Variants in ADARB2 observed in about 807,000 individuals in gnomAD.
ADARB2 encodes the protein adenosine deaminase RNA specific B2 (inactive).
In ADARB2, 25 loss-of-function variants were observed where a neutral mutation model predicts 62.2. The ratio of observed to expected loss-of-function variants is 0.40; its 90% CI spans 0.29 to 0.56. The LOEUF is 0.56. Ranked by LOEUF, ADARB2 falls within the 20% of genes least tolerant of loss-of-function variation. The probability of loss-of-function intolerance (pLI) is 0.43; values close to 1 mark genes in which losing one functional copy is unlikely to be tolerated. For missense variants in ADARB2, 1,071 were observed against 1,077.4 expected, an observed-to-expected ratio of 0.99 and a Z score of 0.08; for synonymous variants, 572 against 500.8, an observed-to-expected ratio of 1.14 and a Z score of -1.90.
At chr10:1,443,770 G>A (rs1830929681) in intron 1 of ADARB2, among the ~76,000 whole-genome samples, 1 of 152,110 alleles carries the variant, frequency 6.6e-6, no homozygotes, top group African/African-American at 2.4e-5. Flanking sequence ...TATTGAGAAA[G>A]CCATTGCAAG....
chr10:1,718,777 G>A (rs1007862788), intron 1 of ADARB2, among the ~76,000 whole-genome samples: 1 of 152,140 alleles, frequency 6.6e-6, no homozygotes, highest in African/African-American at 2.4e-5. Flanking sequence ...GGGGCTCCAG[G>A]CTCTGGCTTC....
chr10:1,592,444 A>C (rs10219101), intron 1 of ADARB2, among the ~76,000 whole-genome samples: 36 of 4,664 alleles, frequency 7.7e-3, no homozygotes, highest in African/African-American at 9.4e-3. Flanking sequence ...TCACCCAGCT[A>C]CCCTCGCCCA....
At chr10:1,202,495 A>T (rs1375109872) in intron 7 of ADARB2, among the ~76,000 whole-genome samples, 1 of 152,088 alleles carries the variant, frequency 6.6e-6, no homozygotes, top group Non-Finnish European at 1.5e-5. Context: ...GACATTTTTG[A>T]GGAGCGGTTG....
intron 1 of ADARB2, among the ~76,000 whole-genome samples, chr10:1,524,163 C>A (rs148985605): frequency 1.2e-3 from 178 of 152,156 alleles, no homozygotes; most frequent in African/African-American, 3.5e-3. Context: ...TTAAGGTACA[C>A]AAAATTTTGT....
chr10:1,336,619 A>G (rs934818557), intron 3 of ADARB2, among the ~76,000 whole-genome samples: 1 of 152,048 alleles, frequency 6.6e-6, no homozygotes, highest in African/African-American at 2.4e-5. Context: ...GACCTTTGCA[A>G]CTCTACTTAG....
At chr10:1,402,665 C>T (rs902822075) in intron 1 of ADARB2, among the ~76,000 whole-genome samples, 2 of 152,206 alleles carry the variant, frequency 1.3e-5, no homozygotes, top group Non-Finnish European at 2.9e-5. Flanking sequence ...CAGCTCCCAT[C>T]TCCTTCTGGT....
chr10:1,607,740 T>C (rs533449916), intron 1 of ADARB2, among the ~76,000 whole-genome samples: 21 of 152,352 alleles, frequency 1.4e-4, no homozygotes, highest in South Asian at 4.1e-4. Context: ...GGCTGACTTC[T>C]GACTCCAGGA....
chr10:1,625,108 T>C (rs1833750270), intron 1 of ADARB2, among the ~76,000 whole-genome samples: 1 of 152,180 alleles, frequency 6.6e-6, no homozygotes, highest in East Asian at 1.9e-4. Context: ...GCCAAACACC[T>C]CCACAAGTTG....
In ADARB2 at chr10:1,214,259, A is replaced by T. The variant is rs11250340; in HGVS notation, c.1682+2692T>A. 6.3e-5 allele frequency among the ~76,000 whole-genome samples: 7 copies of T among 110,892 alleles called. 1 individual carries two copies. Among genetic ancestry groups the T allele is most frequent in the Non-Finnish European group, 7.9e-5 (4 of 50,950 alleles). 72.7% of individuals were successfully genotyped at this position (110,892 alleles called of 152,430 possible). ...CTGTGCCTGGACCTGCCAGCGTTGCATGGGTTTGCCCCTGTGCCTGGACCT... is the reference window on the plus strand; with the variant it reads ...CTGTGCCTGGACCTGCCAGCGTTGCTTGGGTTTGCCCCTGTGCCTGGACCT... On this transcript the variant is annotated intron_variant, in intron 7 of 9. Coordinates refer to ENST00000381312, the MANE Select transcript of ADARB2 (RefSeq NM_018702.4).
rs775871439 is a variant in ADARB2, at chr10:1,181,684, G to A, written c.*1509C>T. 2.6e-5 allele frequency: 4 copies of A among 152,196 alleles called. No homozygotes were observed. Among genetic ancestry groups the A allele is most frequent in the African/African-American group, 4.8e-5 (2 of 41,454 alleles). 9.4% of individuals were successfully genotyped at this position (152,196 alleles called of 1,614,324 possible). On this transcript the variant is annotated 3_prime_UTR_variant, in exon 10 of 10. Coordinates refer to ENST00000381312, the MANE Select transcript of ADARB2 (RefSeq NM_018702.4). Reference sequence around the variant, plus strand: ...TGTTATTCTTGCACTTTCTGGGGTGGTCAGCTGGGATTCTTTCCGGGAAGC... The same window carrying A: ...TGTTATTCTTGCACTTTCTGGGGTGATCAGCTGGGATTCTTTCCGGGAAGC...
intron 1 of ADARB2, among the ~76,000 whole-genome samples, chr10:1,658,335 CTCTA>C (rs1275993940): frequency 8.6e-5 from 13 of 151,814 alleles, no homozygotes; most frequent in East Asian, 1.9e-4. Flanking sequence ...CTCTCTCTGT[CTCTA>C]TCTGATTCTC....
intron 3 of ADARB2, among the ~76,000 whole-genome samples, chr10:1,272,485 A>C (rs966031540): frequency 1.1e-4 from 16 of 152,164 alleles, no homozygotes; most frequent in African/African-American, 3.6e-4. Flanking sequence ...TCTCCCTCTT[A>C]ATTCTTCTGC....
At chr10:1,580,723 G>A (rs1171172779) in intron 1 of ADARB2, among the ~76,000 whole-genome samples, 3 of 152,214 alleles carry the variant, frequency 2.0e-5, no homozygotes, top group South Asian at 2.1e-4. Context: ...ACAGAGCAGC[G>A]TCCCTGCCCT....
intron 1 of ADARB2, among the ~76,000 whole-genome samples, chr10:1,625,847 C>T (rs141610875): frequency 6.6e-6 from 1 of 152,360 alleles, no homozygotes; most frequent in Non-Finnish European, 1.5e-5. Flanking sequence ...AGCCATGCCT[C>T]CTGCTCCTGC....
At chr10:1,310,271 C>T (rs547228797) in intron 3 of ADARB2, among the ~76,000 whole-genome samples, 1 of 152,328 alleles carries the variant, frequency 6.6e-6, no homozygotes, top group East Asian at 1.9e-4. Context: ...CTGAGAGACA[C>T]TCCCAGATGT....
intron 1 of ADARB2, among the ~76,000 whole-genome samples, chr10:1,490,745 A>G (rs1333691419): frequency 1.3e-5 from 2 of 152,226 alleles, no homozygotes; most frequent in Non-Finnish European, 2.9e-5. Context: ...CTGAGCCAAG[A>G]CAGCCAGCCT....
chr10:1,633,448 A>C (rs1386450171), intron 1 of ADARB2, among the ~76,000 whole-genome samples: 1 of 152,202 alleles, frequency 6.6e-6, no homozygotes, highest in Non-Finnish European at 1.5e-5. Context: ...TGATGAGTGT[A>C]TTGAAAATAT....
chr10:1,497,865 G>A (rs1831712774), intron 1 of ADARB2, among the ~76,000 whole-genome samples: 3 of 152,142 alleles, frequency 2.0e-5, no homozygotes, highest in African/African-American at 7.2e-5. Flanking sequence ...TGATGAGGTG[G>A]AGATGACTTC....
At chr10:1,420,452 A>C (rs1832842202) in intron 1 of ADARB2, among the ~76,000 whole-genome samples, 1 of 152,162 alleles carries the variant, frequency 6.6e-6, no homozygotes, top group African/African-American at 2.4e-5. Context: ...CAGCACATTC[A>C]CATCCGAGGG....
Sources: allele counts gnomAD v4.1 joint callset (sites outside exome capture counted in the v4.1 genomes callset), GRCh38; gene constraint gnomAD v4.1.1; transcripts MANE v1.5; gene names NCBI Gene and HGNC (gene_info 2026-07-23, HGNC 2026-07-21).